SSBP2: variants seen among roughly 807,000 people sequenced by gnomAD.
The protein encoded by SSBP2 is single-stranded DNA-binding protein 2.
In SSBP2, 17 loss-of-function variants were observed where a neutral mutation model predicts 61.8. The observed-to-expected ratio is 0.28, with a 90% CI of 0.19 to 0.41. The LOEUF (loss-of-function observed/expected upper bound fraction) is 0.41. Among genes scored for constraint, SSBP2 ranks in the 10% least tolerant of loss-of-function variants. The pLI is 1.00. For synonymous variants in SSBP2, 139 were observed against 141.3 expected (o/e 0.98, Z 0.12); for missense variants, 310 against 458.7 (o/e 0.68, Z 2.96).
intron 1 of SSBP2, among the ~76,000 whole-genome samples, chr5:81,722,831 C>A (rs997221828): frequency 6.6e-6 from 1 of 151,820 alleles, no homozygotes; most frequent in Non-Finnish European, 1.5e-5. Context: ...ATGGACAAAA[C>A]TGTGACACAC....
At chr5:81,664,130 T>G (rs1244412918) in intron 1 of SSBP2, among the ~76,000 whole-genome samples, 6 of 52,892 alleles carry the variant, frequency 1.1e-4, no homozygotes, top group East Asian at 1.1e-3. Flanking sequence ...TTTGTTTTTG[T>G]TTTTTTTTTT....
At position 81,440,644 on chromosome 5, in the gene SSBP2, A is replaced by C; in HGVS notation, c.850-8T>G. 2 of 1,577,114 alleles carry C rather than the reference A, an allele frequency of 1.3e-6. No homozygotes were observed. Among genetic ancestry groups the C allele is most frequent in the Non-Finnish European group, 1.7e-6 (2 of 1,160,544 alleles). ...CCCAGGACCCATTGGAAACTATTTT[A>C]AAAATGAAGAAAATCACTGTAATCA... On this transcript the variant is annotated splice_region_variant and splice_polypyrimidine_tract_variant and intron_variant, in intron 13 of 16. Coordinates refer to ENST00000320672, the MANE Select transcript of SSBP2 (RefSeq NM_012446.5).
rs765680528 is a variant in SSBP2 at position 81,473,779 on chromosome 5, A to G, written c.500-9T>C. 3 of 1,613,510 alleles carry G rather than the reference A, an allele frequency of 1.9e-6. No homozygotes were observed. The highest frequency in any genetic ancestry group is 2.7e-5 in the African/African-American group (2 of 74,892). On this transcript the variant is annotated splice_polypyrimidine_tract_variant and intron_variant, in intron 7 of 16. Coordinates refer to ENST00000320672, the MANE Select transcript of SSBP2 (RefSeq NM_012446.5). ...ACCCATATTTGGATGTCCTAAAAAA[A>G]GTATGAAGACATTAGCAAAGTAATG...
chr5:81,501,268 T>C (rs12652374), intron 5 of SSBP2, among the ~76,000 whole-genome samples: 7,808 of 35,352 alleles, frequency 0.22, 1,342 homozygotes, highest in African/African-American at 0.43. Flanking sequence ...TATATATATA[T>C]ACACACACAC....
intron 5 of SSBP2, among the ~76,000 whole-genome samples, chr5:81,489,594 T>C (rs1312396418): frequency 6.6e-6 from 1 of 152,094 alleles, no homozygotes; most frequent in African/African-American, 2.4e-5. Flanking sequence ...GGCAATAATA[T>C]CTAGTGGCAA....
intron 3 of SSBP2, among the ~76,000 whole-genome samples, chr5:81,632,516 G>A (rs1441158881): frequency 6.6e-6 from 1 of 152,100 alleles, no homozygotes; most frequent in Non-Finnish European, 1.5e-5. Context: ...ATTTTATTAG[G>A]AATAGAAGAA....
intron 2 of SSBP2, among the ~76,000 whole-genome samples, chr5:81,637,253 G>A (rs756102051): frequency 7.9e-5 from 12 of 152,190 alleles, no homozygotes; most frequent in African/African-American, 2.9e-4. Context: ...TCTCCTTAGA[G>A]GTCTAAGATT....
At chr5:81,435,432 A>G (rs566028961) in intron 15 of SSBP2, among the ~76,000 whole-genome samples, 2 of 152,302 alleles carry the variant, frequency 1.3e-5, no homozygotes, top group African/African-American at 2.4e-5. Context: ...AGAAGGCAAT[A>G]CCCAGCACAC....
At chr5:81,747,047 C>G (rs1043231920) in intron 1 of SSBP2, among the ~76,000 whole-genome samples, 5 of 113,082 alleles carry the variant, frequency 4.4e-5, no homozygotes, top group Admixed American at 4.2e-4. Context: ...TCTGAAGAAA[C>G]AAGTTTTCGT....
intron 1 of SSBP2, among the ~76,000 whole-genome samples, chr5:81,736,494 TA>T (rs1756635559): frequency 6.6e-6 from 1 of 152,248 alleles, no homozygotes; most frequent in Non-Finnish European, 1.5e-5. Flanking sequence ...TCCTCGAATT[TA>T]AAAGGGTGCT....
chr5:81,597,005 C>A (rs367628833), intron 4 of SSBP2, among the ~76,000 whole-genome samples: 42 of 151,892 alleles, frequency 2.8e-4, no homozygotes, highest in Admixed American at 2.0e-3. Context: ...TAATTAAACT[C>A]AAGAGCTTCT....
intron 4 of SSBP2, among the ~76,000 whole-genome samples, chr5:81,590,191 A>G (rs1013159300): frequency 8.5e-5 from 13 of 152,174 alleles, no homozygotes; most frequent in Non-Finnish European, 1.9e-4. Flanking sequence ...GATTCTAGTC[A>G]TAGATTTAAA....
chr5:81,471,074 G>C (rs1765217932), intron 8 of SSBP2, among the ~76,000 whole-genome samples: 1 of 151,608 alleles, frequency 6.6e-6, no homozygotes, highest in Non-Finnish European at 1.5e-5. Context: ...ATTTTAAAAA[G>C]TTACTGTAGG....
At chr5:81,473,816 T>G (rs768523554) in intron 7 of SSBP2, 46 bp from the exon 8 acceptor site, 3 of 1,552,492 alleles carry the variant, frequency 1.9e-6, no homozygotes, top group Non-Finnish European at 2.7e-6. Flanking sequence ...GCATGAGTAC[T>G]AAACCAGAGG....
At chr5:81,581,258 G>A (rs576620741) in intron 4 of SSBP2, among the ~76,000 whole-genome samples, 1 of 152,264 alleles carries the variant, frequency 6.6e-6, no homozygotes, top group African/African-American at 2.4e-5. Flanking sequence ...ATAACCATGA[G>A]CATATAATCC....
intron 4 of SSBP2, among the ~76,000 whole-genome samples, chr5:81,558,113 G>A (rs1443050674): frequency 6.6e-6 from 1 of 152,104 alleles, no homozygotes; most frequent in African/African-American, 2.4e-5. Flanking sequence ...GAATTACGAG[G>A]TTTTGCATTC....
At chr5:81,546,732 G>T (rs1771754905) in intron 4 of SSBP2, among the ~76,000 whole-genome samples, 1 of 151,544 alleles carries the variant, frequency 6.6e-6, no homozygotes, top group Admixed American at 6.6e-5. Context: ...TGAATCCATG[G>T]TAACTTTTGG....
At chr5:81,664,199 T>C (rs977624069) in intron 1 of SSBP2, among the ~76,000 whole-genome samples, 2 of 151,606 alleles carry the variant, frequency 1.3e-5, no homozygotes, top group Non-Finnish European at 2.9e-5. Flanking sequence ...CTCTGCTCAC[T>C]GCAACCTCTG....
chr5:81,529,717 A>T (rs1451520323), intron 4 of SSBP2, among the ~76,000 whole-genome samples: 4 of 152,126 alleles, frequency 2.6e-5, no homozygotes, highest in Admixed American at 1.3e-4. Context: ...GATATGCACA[A>T]AGGAAGCAAT....
Sources: allele counts gnomAD v4.1 joint callset (sites outside exome capture counted in the v4.1 genomes callset), GRCh38; gene constraint gnomAD v4.1.1; transcripts MANE v1.5; gene names NCBI Gene and HGNC (gene_info 2026-07-23, HGNC 2026-07-21).